DTNBP1: variants seen among roughly 807,000 people sequenced by gnomAD.
DTNBP1 encodes dysbindin.
Under a neutral mutation model 42.8 loss-of-function variants are expected in DTNBP1, and 35 were observed. That is an observed-to-expected ratio of 0.82 (90% CI 0.63 to 1.09). The LOEUF (loss-of-function observed/expected upper bound fraction) is 1.09, where lower values mean the gene tolerates loss of function less well. DTNBP1 is among the 50% of genes least tolerant of loss of function. DTNBP1 has a pLI of 0.00. For synonymous variants in DTNBP1, 171 were observed against 162.2 expected (o/e 1.05, Z -0.41); for missense variants, 457 against 424.2 (o/e 1.08, Z -0.68).
At position 15,522,970 on chromosome 6, in the gene DTNBP1, C is replaced by G. The variant is rs1581685927; in HGVS notation, c.*5G>C. 1 of 1,614,236 alleles carries G rather than the reference C, an allele frequency of 6.2e-7. No homozygotes were observed. The highest frequency in any genetic ancestry group is 2.2e-5 in the East Asian group (1 of 44,886). On this transcript the variant is annotated 3_prime_UTR_variant, in exon 10 of 10. Transcript: ENST00000344537. ...AGTGTGGCCAGACAACGCCCATGTC[C>G]CAATTTAAGAGTCGCTGTCCTCACC...
intron 7 of DTNBP1, among the ~76,000 whole-genome samples, chr6:15,582,514 ATACT>A (rs1775884694): frequency 6.6e-6 from 1 of 152,226 alleles, no homozygotes; most frequent in Admixed American, 6.5e-5. Flanking sequence ...AAACAGAATT[ATACT>A]TATATACCTA....
chr6:15,590,817 G>A (rs569042365), intron 7 of DTNBP1, among the ~76,000 whole-genome samples: 1 of 152,304 alleles, frequency 6.6e-6, no homozygotes, highest in South Asian at 2.1e-4. Context: ...GGAGAATCCA[G>A]AACATGGTGG....
chr6:15,633,145 C>CT (rs756626445), intron 4 of DTNBP1, among the ~76,000 whole-genome samples: 15 of 152,180 alleles, frequency 9.9e-5, no homozygotes, highest in Non-Finnish European at 2.1e-4. Flanking sequence ...AGCATGGAGA[C>CT]GCCAAGTTAC....
intron 5 of DTNBP1, among the ~76,000 whole-genome samples, chr6:15,620,655 G>C (rs1354193740): frequency 6.6e-6 from 1 of 152,134 alleles, no homozygotes; most frequent in Non-Finnish European, 1.5e-5. Context: ...TATTTAAAAG[G>C]CTGTTTCATT....
At chr6:15,630,910 C>T (rs1255022817) in intron 4 of DTNBP1, among the ~76,000 whole-genome samples, 1 of 152,066 alleles carries the variant, frequency 6.6e-6, no homozygotes, top group African/African-American at 2.4e-5. Context: ...GATCGAGACT[C>T]CGTCTCAAAA....
At position 15,655,816 on chromosome 6, in the gene DTNBP1, C is replaced by T. The variant is rs115911864; in HGVS notation, c.57-3676G>A. Among the ~76,000 whole-genome samples the T allele has an allele frequency of 6.9e-3, 1,052 of 152,228 alleles. 16 individuals carry two copies. The highest frequency in any genetic ancestry group is 0.024 in the African/African-American group (1,003 of 41,546). On this transcript the variant is annotated intron_variant, in intron 1 of 9. Coordinates refer to ENST00000344537, the MANE Select transcript of DTNBP1 (RefSeq NM_032122.5). ...GCCAAAAAGGTATTTTCTAAAATAA[C>T]ATCCTCAAAACCCAGAATTCACCTG...
chr6:15,630,515 C>T (rs1445427951), intron 4 of DTNBP1, among the ~76,000 whole-genome samples: 2 of 152,158 alleles, frequency 1.3e-5, no homozygotes, highest in Non-Finnish European at 2.9e-5. Flanking sequence ...CACTGAAAGT[C>T]TAACTTTAGA....
intron 8 of DTNBP1, among the ~76,000 whole-genome samples, chr6:15,527,188 A>C (rs1772466195): frequency 6.6e-6 from 1 of 152,264 alleles, no homozygotes; most frequent in African/African-American, 2.4e-5. Context: ...TTCACCAGGA[A>C]GATAATCTAA....
intron 1 of DTNBP1, among the ~76,000 whole-genome samples, chr6:15,654,027 A>AT (rs1229024300): frequency 2.0e-5 from 3 of 152,186 alleles, no homozygotes; most frequent in Non-Finnish European, 4.4e-5. Context: ...GATAAACTGC[A>AT]TTTTTTTAAA....
chr6:15,662,949 C>A lies in DTNBP1; in HGVS notation c.-80G>T, dbSNP rs1273325913. 2 of 1,582,006 alleles carry A rather than the reference C, an allele frequency of 1.3e-6. No individual in the cohort carries two copies. Among genetic ancestry groups the A allele is most frequent in the East Asian group, 4.5e-5 (2 of 44,554 alleles). ...GCCCCCTGGGTCCCACGCCGCCAAC[C>A]CCGCGCTGTCACCGCGCGCCCCGCA... On this transcript the variant is annotated 5_prime_UTR_variant, in exon 1 of 10. Transcript: ENST00000344537.
At chr6:15,633,702 A>G (rs573130445) in intron 4 of DTNBP1, among the ~76,000 whole-genome samples, 2 of 152,316 alleles carry the variant, frequency 1.3e-5, no homozygotes, top group East Asian at 1.9e-4. Flanking sequence ...CAATAGATGC[A>G]GCAAACTTCA....
chr6:15,555,630 T>C (rs1377252246), intron 7 of DTNBP1, among the ~76,000 whole-genome samples: 2 of 152,232 alleles, frequency 1.3e-5, no homozygotes, highest in African/African-American at 4.8e-5. Context: ...TTACAAATGC[T>C]ATGGCTATGT....
At chr6:15,626,784 T>C (rs992488976) in intron 5 of DTNBP1, among the ~76,000 whole-genome samples, 2 of 152,184 alleles carry the variant, frequency 1.3e-5, no homozygotes, top group African/African-American at 4.8e-5. Flanking sequence ...AAGGTCTCAC[T>C]ATGTTGCCCA....
chr6:15,602,589 TA>T (rs1422784812), intron 6 of DTNBP1, among the ~76,000 whole-genome samples: 1 of 152,154 alleles, frequency 6.6e-6, no homozygotes, highest in Non-Finnish European at 1.5e-5. Flanking sequence ...ATAAAAAACA[TA>T]AAATATTATT....
At chr6:15,589,911 CT>C (rs1299646781) in intron 7 of DTNBP1, among the ~76,000 whole-genome samples, 1 of 152,096 alleles carries the variant, frequency 6.6e-6, no homozygotes, top group Non-Finnish European at 1.5e-5. Flanking sequence ...TTCATGTCAC[CT>C]TTATTTCCTA....
At chr6:15,645,420 C>T (rs1185839048) in intron 3 of DTNBP1, among the ~76,000 whole-genome samples, 1 of 151,994 alleles carries the variant, frequency 6.6e-6, no homozygotes, top group African/African-American at 2.4e-5. Flanking sequence ...GAGGAGATTT[C>T]TCCTTCACCT....
chr6:15,540,705 G>A (rs1208987375), intron 7 of DTNBP1, among the ~76,000 whole-genome samples: 2 of 152,088 alleles, frequency 1.3e-5, no homozygotes, highest in Non-Finnish European at 2.9e-5. Flanking sequence ...GCAGTGGCGC[G>A]ATCTCGGCTC....
chr6:15,658,924 C>T (rs1761433323), intron 1 of DTNBP1, among the ~76,000 whole-genome samples: 2 of 152,196 alleles, frequency 1.3e-5, no homozygotes, highest in Admixed American at 1.3e-4. Context: ...GCTGGCCCAC[C>T]ACCCAATTAA....
chr6:15,628,240 T>A (rs1581411009), intron 4 of DTNBP1, among the ~76,000 whole-genome samples: 1 of 152,002 alleles, frequency 6.6e-6, no homozygotes, highest in Non-Finnish European at 1.5e-5. Flanking sequence ...CAAGAAGAGG[T>A]GATCTTTTGA....
Sources: allele counts gnomAD v4.1 joint callset (sites outside exome capture counted in the v4.1 genomes callset), GRCh38; gene constraint gnomAD v4.1.1; transcripts MANE v1.5; gene names NCBI Gene and HGNC (gene_info 2026-07-23, HGNC 2026-07-21).